The following NAA11 variants were observed in gnomAD, a reference collection of about 807,000 sequenced individuals.
NAA11 encodes N-alpha-acetyltransferase 11.
NAA11 carries 15 observed loss-of-function variants against 16.1 expected under a neutral mutation model. The observed-to-expected ratio is 0.93, with a 90% CI of 0.62 to 1.44. NAA11 has a LOEUF of 1.44. Ranked by LOEUF, NAA11 falls within the 40% of genes most tolerant of loss-of-function variation. The pLI, the probability that NAA11 is intolerant of heterozygous loss-of-function variation, is 0.00. For synonymous variants in NAA11, 122 were observed against 112.4 expected (o/e 1.09, Z -0.54); for missense variants, 298 against 291.3 (o/e 1.02, Z -0.17).
intron 1 of NAA11, 51 bp downstream of exon 1, chr4:79,325,125 G>A: frequency 6.9e-7 from 1 of 1,456,146 alleles, no homozygotes; most frequent in Non-Finnish European, 9.2e-7. Flanking sequence ...GGCCAAGGCA[G>A]GATGCAGGGA....
intron 2 of NAA11, among the ~76,000 whole-genome samples, chr4:79,269,478 T>C (rs1259921708): frequency 1.3e-4 from 20 of 149,088 alleles, no homozygotes; most frequent in Middle Eastern, 7.0e-3. Flanking sequence ...TTTCATGTGT[T>C]TTTTGGCTGC....
At chr4:79,157,531 G>T in the NAA11 span, among the ~76,000 whole-genome samples, 1 of 150,760 alleles carries the variant, frequency 6.6e-6, no homozygotes, top group East Asian at 2.0e-4. Flanking sequence ...ATATGTATAT[G>T]CATGTATATA....
the NAA11 span, among the ~76,000 whole-genome samples, chr4:79,212,272 A>G: frequency 6.6e-6 from 1 of 152,180 alleles, no homozygotes; most frequent in African/African-American, 2.4e-5. Context: ...CTCCATTAAA[A>G]TATATAGGAC....
rs562249108 is a variant in NAA11, at chr4:79,309,745, T to C, written c.*12+15431A>G. ...TTTTTTTTTTTTTTGAGATGGAGTC[T>C]CGCTCTGTCGCCCAGGCTGGAATGC... On this transcript the variant is annotated intron_variant and NMD_transcript_variant, in intron 1 of 2. Transcript: ENST00000511542. Among the ~76,000 whole-genome samples the C allele has an allele frequency of 2.2e-5, 3 of 134,410 alleles. No homozygotes were observed. In the East Asian group the frequency reaches 7.8e-4, roughly 35 times the overall value. The allele number at this position is 134,410 out of a possible 152,430, so 88.2% of individuals were successfully genotyped here.
At chr4:79,275,352 T>C (rs527657363) in intron 2 of NAA11, among the ~76,000 whole-genome samples, 241 of 152,126 alleles carry the variant, frequency 1.6e-3, no homozygotes, top group Non-Finnish European at 2.5e-3. Flanking sequence ...AGAAGATAAA[T>C]AGTTGCCATA....
At chr4:79,204,530 C>A in the NAA11 span, among the ~76,000 whole-genome samples, 3 of 150,786 alleles carry the variant, frequency 2.0e-5, no homozygotes, top group Non-Finnish European at 4.4e-5. Flanking sequence ...TCCCTTCCTC[C>A]CTCCTTCCCT....
chr4:79,180,766 A>G, the NAA11 span, among the ~76,000 whole-genome samples: 6 of 152,186 alleles, frequency 3.9e-5, no homozygotes, highest in Non-Finnish European at 5.9e-5. Flanking sequence ...TGCTGCTATA[A>G]AGACACATGC....
chr4:79,270,236 T>A (rs1578172048), intron 2 of NAA11, among the ~76,000 whole-genome samples: 1 of 151,960 alleles, frequency 6.6e-6, no homozygotes, highest in South Asian at 2.1e-4. Flanking sequence ...TCCAATTCTG[T>A]GAAGAAAGTC....
chr4:79,261,722 T>C (rs1170827003), intron 2 of NAA11, among the ~76,000 whole-genome samples: 2 of 152,192 alleles, frequency 1.3e-5, no homozygotes, highest in Non-Finnish European at 2.9e-5. Context: ...TGAGTCCTCA[T>C]GTGACATCCA....
intron 2 of NAA11, among the ~76,000 whole-genome samples, chr4:79,229,798 A>ATGAC (rs1291723351): frequency 6.6e-6 from 1 of 151,960 alleles, no homozygotes; most frequent in African/African-American, 2.4e-5. Flanking sequence ...GAGATATTAT[A>ATGAC]TGACTGCCTT....
intron 2 of NAA11, among the ~76,000 whole-genome samples, chr4:79,240,267 C>T (rs1248384256): frequency 6.6e-6 from 1 of 152,102 alleles, no homozygotes; most frequent in Non-Finnish European, 1.5e-5. Context: ...CTAACCTTAC[C>T]ACATCCCCCA....
intron 2 of NAA11, among the ~76,000 whole-genome samples, chr4:79,232,123 A>G (rs979548699): frequency 9.9e-5 from 15 of 151,854 alleles, no homozygotes; most frequent in Non-Finnish European, 2.2e-4. Context: ...GGTTTGTTTG[A>G]ATAATCCACA....
the NAA11 span, among the ~76,000 whole-genome samples, chr4:79,178,973 CCA>C: frequency 6.6e-6 from 1 of 152,000 alleles, no homozygotes; most frequent in African/African-American, 2.4e-5. Flanking sequence ...GGACTGGAGC[CCA>C]GAGAGCAAGA....
chr4:79,313,256 G>A (rs530999181), downstream of NAA11, among the ~76,000 whole-genome samples: 113 of 151,504 alleles, frequency 7.5e-4, no homozygotes, highest in South Asian at 4.4e-3. Flanking sequence ...TACAATGCAG[G>A]TTTTTTTTTA....
At chr4:79,196,842 A>C in the NAA11 span, among the ~76,000 whole-genome samples, 1 of 151,720 alleles carries the variant, frequency 6.6e-6, no homozygotes, top group African/African-American at 2.4e-5. Context: ...AGGGAGAAAC[A>C]GAAGAGTGTC....
In NAA11 at chr4:79,325,764, C is replaced by T. The variant is rs375141583; in HGVS notation, c.114G>A (p.Trp38Ter). ...CCTCAGCGATGTAAGAAAGCTGGGGCCAGGAAAGGCCATGATATAAATAGT... is the reference window on the plus strand; with the variant it reads ...CCTCAGCGATGTAAGAAAGCTGGGGTCAGGAAAGGCCATGATATAAATAGT... ...MKYYLYHGLS[W>*]PQLSYIAEDE... The change falls in exon 1 of 2, where the codon TGG becomes TGA. Residue 38 changes from tryptophan to a stop codon, truncating the protein, a stop_gained. Coordinates refer to ENST00000286794, the MANE Select transcript of NAA11 (RefSeq NM_032693.3). LOFTEE classifies it high-confidence loss of function. 2.9e-4 allele frequency: 463 copies of T among 1,614,044 alleles called. No homozygotes were observed. Among genetic ancestry groups the T allele is most frequent in the Non-Finnish European group, 3.8e-4 (451 of 1,180,028 alleles).
the NAA11 span, among the ~76,000 whole-genome samples, chr4:79,194,120 G>A: frequency 1.3e-5 from 2 of 152,038 alleles, no homozygotes; most frequent in African/African-American, 4.8e-5. Context: ...AGGAGATTTT[G>A]GGCTGAGACG....
At chr4:79,204,983 T>C in the NAA11 span, among the ~76,000 whole-genome samples, 1 of 151,498 alleles carries the variant, frequency 6.6e-6, no homozygotes, top group African/African-American at 2.4e-5. Context: ...GGTGTGTGTA[T>C]ATGTATATAA....
At chr4:79,297,192 G>A (rs1723248241) in intron 1 of NAA11, among the ~76,000 whole-genome samples, 1 of 152,184 alleles carries the variant, frequency 6.6e-6, no homozygotes. Flanking sequence ...ACTGGCCCCG[G>A]AGTGGTGCTG....
Sources: gnomAD v4.1 joint callset for allele counts (sites outside exome capture counted in the v4.1 genomes callset) on GRCh38, gnomAD v4.1.1 for gene constraint, MANE v1.5 for transcripts, NCBI Gene and HGNC (gene_info 2026-07-23, HGNC 2026-07-21) for gene names.